Variants in MED13L observed in about 807,000 individuals in gnomAD.
MED13L encodes the protein mediator of RNA polymerase II transcription subunit 13-like.
A neutral mutation model predicts 220.9 loss-of-function variants in MED13L; 7 were observed. That is an observed-to-expected ratio of 0.03 (90% confidence interval 0.02 to 0.06). MED13L has a LOEUF of 0.06. Among genes scored for constraint, MED13L ranks in the 10% least tolerant of loss-of-function variants. MED13L has a pLI of 1.00. For synonymous variants in MED13L, 1,011 were observed against 1,015.2 expected (o/e 1.00, Z 0.08); for missense variants, 1,965 against 2,760.5 (o/e 0.71, Z 6.46).
chr12:116,197,022 CACAA>C (rs1228413615), intron 2 of MED13L, among the ~76,000 whole-genome samples: 1 of 152,148 alleles, frequency 6.6e-6, no homozygotes. Flanking sequence ...AGTCTGAAAA[CACAA>C]ACAATAAGAC....
At chr12:116,275,499 G>A (rs1873744221) in intron 1 of MED13L, among the ~76,000 whole-genome samples, 1 of 152,120 alleles carries the variant, frequency 6.6e-6, no homozygotes, top group Admixed American at 6.6e-5. Context: ...GGTCTGCATT[G>A]TAACACATTT....
chr12:116,092,306 C>T (rs1224567553), intron 4 of MED13L, among the ~76,000 whole-genome samples: 2 of 152,200 alleles, frequency 1.3e-5, no homozygotes, highest in Middle Eastern at 3.2e-3. Flanking sequence ...CCTTCTCCGC[C>T]TTCTTATCTG....
chr12:116,088,319 G>C (rs1871889257), intron 4 of MED13L, among the ~76,000 whole-genome samples: 1 of 152,146 alleles, frequency 6.6e-6, no homozygotes, highest in Non-Finnish European at 1.5e-5. Flanking sequence ...GGAAAGAAGA[G>C]AATCAAAGAC....
chr12:116,063,473 G>C (rs928199580), intron 4 of MED13L, among the ~76,000 whole-genome samples: 1 of 152,144 alleles, frequency 6.6e-6, no homozygotes, highest in Admixed American at 6.5e-5. Context: ...AGCTGTGATC[G>C]TGCCACTGCA....
chr12:116,273,190 G>C (rs1593233996), intron 1 of MED13L, among the ~76,000 whole-genome samples: 1 of 152,098 alleles, frequency 6.6e-6, no homozygotes, highest in Non-Finnish European at 1.5e-5. Flanking sequence ...TGTAATCCCA[G>C]GTATTCCGGA....
rs1882699806 is a variant in MED13L at position 116,211,511 on chromosome 12, T to C, written c.310+25957A>G. 2.0e-5 allele frequency among the ~76,000 whole-genome samples: 3 copies of C among 152,182 alleles called. No individual in the cohort carries two copies. The South Asian group carries it at 6.2e-4, about 32-fold the overall frequency. ...AAGAGAAAACAAAACAACACAAACC[T>C]TTCTTCAAGGGCATTTCTAAACTAA... On this transcript the variant is annotated intron_variant, in intron 2 of 30. Transcript: ENST00000281928.
At chr12:116,104,557 T>C (rs1369907257) in intron 3 of MED13L, among the ~76,000 whole-genome samples, 1 of 152,226 alleles carries the variant, frequency 6.6e-6, no homozygotes, top group Non-Finnish European at 1.5e-5. Flanking sequence ...GGGGTAAATA[T>C]GCTAACAATC....
At chr12:115,965,140 G>A (rs1451642107) in intron 29 of MED13L, among the ~76,000 whole-genome samples, 19 of 152,098 alleles carry the variant, frequency 1.2e-4, no homozygotes, top group Non-Finnish European at 1.9e-4. Flanking sequence ...AATATACACA[G>A]CTATGTGTGT....
At chr12:116,159,160 A>G (rs771949302) in intron 2 of MED13L, among the ~76,000 whole-genome samples, 1 of 152,190 alleles carries the variant, frequency 6.6e-6, no homozygotes, top group Non-Finnish European at 1.5e-5. Context: ...ACAGTATTCT[A>G]TTTATTTAGA....
chr12:116,021,754 G>A (rs931256471), intron 5 of MED13L, among the ~76,000 whole-genome samples: 4 of 151,910 alleles, frequency 2.6e-5, no homozygotes, highest in South Asian at 2.1e-4. Context: ...GTTTCCATAC[G>A]GTTCAATCTA....
At chr12:116,116,274 A>G (rs1874508102) in intron 2 of MED13L, among the ~76,000 whole-genome samples, 1 of 152,180 alleles carries the variant, frequency 6.6e-6, no homozygotes, top group Non-Finnish European at 1.5e-5. Flanking sequence ...AAGCGCTGAA[A>G]GTTGAGTTGA....
At chr12:116,224,198 T>A (rs1223587535) in intron 2 of MED13L, among the ~76,000 whole-genome samples, 1 of 152,186 alleles carries the variant, frequency 6.6e-6, no homozygotes, top group Admixed American at 6.5e-5. Context: ...CCAAACTACT[T>A]AGCCTAGTGT....
intron 1 of MED13L, among the ~76,000 whole-genome samples, chr12:116,242,048 C>CTTTTTT (rs767214989): frequency 1.7e-4 from 18 of 106,620 alleles, no homozygotes; most frequent in South Asian, 6.9e-4. Context: ...GTTCTTTTGT[C>CTTTTTT]TTTTTTTTTT....
intron 2 of MED13L, among the ~76,000 whole-genome samples, chr12:116,193,783 T>C (rs528106623): frequency 6.6e-6 from 1 of 152,270 alleles, no homozygotes; most frequent in Admixed American, 6.5e-5. Context: ...ATCATGGGAA[T>C]AGTAGGAGTC....
intron 2 of MED13L, among the ~76,000 whole-genome samples, chr12:116,211,633 T>A (rs1023882853): frequency 3.3e-4 from 50 of 152,204 alleles, no homozygotes; most frequent in African/African-American, 1.1e-3. Flanking sequence ...AGAAATAATT[T>A]TTATAATATG....
intron 2 of MED13L, among the ~76,000 whole-genome samples, chr12:116,201,529 T>A (rs185878905): frequency 6.6e-6 from 1 of 152,306 alleles, no homozygotes; most frequent in East Asian, 1.9e-4. Context: ...ATCTATAAGC[T>A]GTGTATAAAG....
rs746579552 is a variant in MED13L, at chr12:115,959,765, T to C, written c.*1501A>G. The C allele has an allele frequency of 1.2e-4, 19 of 152,600 alleles. No individual in the cohort carries two copies. Among genetic ancestry groups the C allele is most frequent in the Non-Finnish European group, 2.5e-4 (17 of 68,036 alleles). The allele number at this position is 152,600 out of a possible 1,614,324, so 9.5% of individuals were successfully genotyped here. Reference sequence around the variant, plus strand: ...CCACCACACAACTTTTTTTTTAATATAATGTTTTAAACTTTAGATTATTTC... The same window carrying C: ...CCACCACACAACTTTTTTTTTAATACAATGTTTTAAACTTTAGATTATTTC... On this transcript the variant is annotated 3_prime_UTR_variant, in exon 31 of 31. Coordinates refer to ENST00000281928, the MANE Select transcript of MED13L (RefSeq NM_015335.5).
intron 4 of MED13L, among the ~76,000 whole-genome samples, chr12:116,047,399 T>C (rs1025186198): frequency 1.3e-5 from 2 of 152,124 alleles, no homozygotes; most frequent in African/African-American, 4.8e-5. Flanking sequence ...TCAAGCTAGC[T>C]GTTGTACAGA....
At chr12:116,251,087 TAATA>T (rs929836896) in intron 1 of MED13L, among the ~76,000 whole-genome samples, 24 of 142,914 alleles carry the variant, frequency 1.7e-4, no homozygotes, top group African/African-American at 5.9e-4. Context: ...ATTGGATAAA[TAATA>T]AATGGAGCCA....
Sources: allele counts gnomAD v4.1 joint callset (sites outside exome capture counted in the v4.1 genomes callset), GRCh38; gene constraint gnomAD v4.1.1; transcripts MANE v1.5; gene names NCBI Gene and HGNC (gene_info 2026-07-23, HGNC 2026-07-21).